SULF2: variants seen among roughly 807,000 people sequenced by gnomAD.
The protein encoded by SULF2 is extracellular sulfatase Sulf-2.
SULF2 carries 52 observed loss-of-function variants against 107.7 expected under a neutral mutation model. The observed-to-expected ratio is 0.48, with a 90% CI of 0.39 to 0.61. The LOEUF is 0.61. SULF2 is among the 20% of genes least tolerant of loss of function. The pLI is 0.00. For missense variants in SULF2, 993 were observed against 1,177.3 expected (o/e 0.84, Z 2.29); for synonymous variants, 460 against 464.3 (o/e 0.99, Z 0.12).
upstream of SULF2, chr20:47,786,549 C>T (rs2090934574): frequency 6.6e-6 from 1 of 152,158 alleles, no homozygotes; most frequent in South Asian, 2.1e-4. Flanking sequence ...CCTGTGCGCG[C>T]CCGAGAACTC....
chr20:47,663,481 C>T lies in SULF2; in HGVS notation c.2199G>A (p.Gln733=), dbSNP rs907502698. The T allele has an allele frequency of 1.2e-6, 2 of 1,610,712 alleles. No homozygotes were observed. Among genetic ancestry groups the T allele is most frequent in the Non-Finnish European group, 1.7e-6 (2 of 1,180,016 alleles). Residue 733 remains glutamine (Q), a synonymous_variant, in exon 16 of 21, where the codon CAG becomes CAA. Transcript: ENST00000688720. Reference sequence around the variant, plus strand: ...TCCAGAAAGGCGCCGTCTGCCAGTGCTGGTTGTCGTGGGTGAAGCACGTGA... The same window carrying T: ...TCCAGAAAGGCGCCGTCTGCCAGTGTTGGTTGTCGTGGGTGAAGCACGTGA... The part of the protein sequence containing the change: ...PGLTCFTHDN[Q]HWQTAPFWTL...
At chr20:47,658,732 A>G (rs150783408) in intron 20 of SULF2, among the ~76,000 whole-genome samples, 1 of 152,352 alleles carries the variant, frequency 6.6e-6, no homozygotes, top group East Asian at 1.9e-4. Context: ...TTATATGCAT[A>G]TAAAGGAAGA....
intron 2 of SULF2, among the ~76,000 whole-genome samples, chr20:47,756,758 G>A (rs1000477459): frequency 6.6e-6 from 1 of 151,260 alleles, no homozygotes; most frequent in Non-Finnish European, 1.5e-5. Flanking sequence ...TGATTCTTGT[G>A]CCCCAGTCTC....
chr20:47,743,704 A>C (rs2089942969), intron 2 of SULF2, among the ~76,000 whole-genome samples: 1 of 152,146 alleles, frequency 6.6e-6, no homozygotes, highest in African/African-American at 2.4e-5. Flanking sequence ...TAAAAATCAA[A>C]GTCCTCCCTC....
At chr20:47,719,088 G>C (rs1426245250) in intron 3 of SULF2, among the ~76,000 whole-genome samples, 1 of 152,096 alleles carries the variant, frequency 6.6e-6, no homozygotes, top group African/African-American at 2.4e-5. Flanking sequence ...TGGGAATTAC[G>C]GATATTTTCA....
chr20:47,704,742 G>A (rs191084617), intron 3 of SULF2, among the ~76,000 whole-genome samples: 1 of 152,324 alleles, frequency 6.6e-6, no homozygotes, highest in Non-Finnish European at 1.5e-5. Flanking sequence ...GAGCGTTCCA[G>A]GAGGTTGTAG....
At chr20:47,737,755 G>GTTTTTTTT (rs11484375) in intron 2 of SULF2, among the ~76,000 whole-genome samples, 21 of 61,838 alleles carry the variant, frequency 3.4e-4, no homozygotes, top group African/African-American at 5.6e-4. Flanking sequence ...TCTTTTCTTT[G>GTTTTTTTT]TTTTTTTTTT....
At chr20:47,662,694 A>T (rs908654376) in intron 17 of SULF2, among the ~76,000 whole-genome samples, 3 of 152,140 alleles carry the variant, frequency 2.0e-5, no homozygotes, top group African/African-American at 7.2e-5. Flanking sequence ...GCAGTGTGTT[A>T]CTGTTATATT....
chr20:47,661,751 C>T (rs1252514541), intron 18 of SULF2, 22 bp downstream of exon 18: 2 of 1,512,238 alleles, frequency 1.3e-6, no homozygotes, highest in Admixed American at 3.8e-5. Flanking sequence ...TCCAAGGGCC[C>T]CACGTTGGGG....
chr20:47,760,605 G>A (rs888376642), intron 1 of SULF2, among the ~76,000 whole-genome samples: 17 of 152,076 alleles, frequency 1.1e-4, no homozygotes, highest in Admixed American at 3.3e-4. Context: ...GCCCTGATGC[G>A]CACCCTAATT....
At chr20:47,689,904 ATCC>A in intron 5 of SULF2, 1 of 401,794 alleles carries the variant, frequency 2.5e-6, no homozygotes, top group Non-Finnish European at 4.3e-6. Flanking sequence ...GAGGCCGTGT[ATCC>A]CAAGTTAAAA....
chr20:47,734,695 G>C (rs1257807184), intron 3 of SULF2, among the ~76,000 whole-genome samples: 1 of 152,154 alleles, frequency 6.6e-6, no homozygotes, highest in Non-Finnish European at 1.5e-5. Context: ...GCTGGAATGG[G>C]ATTCTTTGTA....
chr20:47,777,413 G>C (rs1214112044), intron 1 of SULF2, among the ~76,000 whole-genome samples: 1 of 152,170 alleles, frequency 6.6e-6, no homozygotes, highest in Non-Finnish European at 1.5e-5. Context: ...GCGACGTCTG[G>C]AGCTGTGGCA....
At chr20:47,673,264 A>G (rs891540451) in intron 10 of SULF2, among the ~76,000 whole-genome samples, 1 of 152,150 alleles carries the variant, frequency 6.6e-6, no homozygotes, top group African/African-American at 2.4e-5. Context: ...TTTCCAGGCC[A>G]TGGGTCAGAT....
intron 1 of SULF2, among the ~76,000 whole-genome samples, chr20:47,768,197 G>A (rs73317809): frequency 0.017 from 2,558 of 152,290 alleles, 66 homozygotes; most frequent in African/African-American, 0.058. Context: ...GAGTGGGGTC[G>A]GGAATGAAGC....
At chr20:47,703,055 C>T (rs1209920986) in intron 3 of SULF2, among the ~76,000 whole-genome samples, 1 of 152,078 alleles carries the variant, frequency 6.6e-6, no homozygotes, top group Non-Finnish European at 1.5e-5. Flanking sequence ...TAATCCTCAG[C>T]TGGGATTACA....
intron 1 of SULF2, among the ~76,000 whole-genome samples, chr20:47,774,844 T>C (rs6094836): frequency 0.34 from 51,130 of 151,994 alleles, 10,461 homozygotes; most frequent in African/African-American, 0.59. Context: ...CAGACTTTCT[T>C]ACCATGTCCC....
intron 2 of SULF2, among the ~76,000 whole-genome samples, chr20:47,740,274 C>T (rs2089846146): frequency 6.6e-6 from 1 of 152,172 alleles, no homozygotes; most frequent in South Asian, 2.1e-4. Context: ...AAGACTCAAG[C>T]CTAGCAGAGG....
Position 47,659,383 on chromosome 20 carries a change from TG to T in SULF2, c.2582+15del. 6.2e-7 allele frequency: 1 copy of T among 1,613,562 alleles called. No homozygotes were observed. On this transcript the variant is annotated intron_variant, in intron 20 of 20. Coordinates refer to ENST00000688720, the MANE Select transcript of SULF2 (RefSeq NM_001387048.1). ...CAGAACCAGATTTCTATTTGTAAGC[TG>T]GTTCCTCAACTCACAGTGATTTGGA... is the stretch of plus-strand genomic sequence containing the variant.
Sources: gnomAD v4.1 joint callset for allele counts (sites outside exome capture counted in the v4.1 genomes callset) on GRCh38, gnomAD v4.1.1 for gene constraint, MANE v1.5 for transcripts, NCBI Gene and HGNC (gene_info 2026-07-23, HGNC 2026-07-21) for gene names.